Variants in XKR5 observed in about 807,000 individuals in gnomAD.
XKR5 encodes XK related 5.
XKR5 carries 46 observed loss-of-function variants against 40.8 expected under a neutral mutation model. That is an observed-to-expected ratio of 1.13 (90% CI 0.89 to 1.44). The LOEUF (loss-of-function observed/expected upper bound fraction) is 1.44, where lower values mean the gene tolerates loss of function less well. Ranked by LOEUF, XKR5 falls within the 40% of genes most tolerant of loss-of-function variation. The pLI is 0.00. For synonymous variants in XKR5, 466 were observed against 356.1 expected (o/e 1.31, Z -3.48); for missense variants, 1,169 against 844.7 (o/e 1.38, Z -4.76).
chr8:6,830,770 A>G (rs1804731394), intron 2 of XKR5, among the ~76,000 whole-genome samples: 1 of 152,200 alleles, frequency 6.6e-6, no homozygotes. Context: ...TGATTTCACT[A>G]GTATATACCA....
chr8:6,808,957 G>A lies in XKR5; in HGVS notation c.*2241C>T, dbSNP rs1587142321. 6.6e-6 allele frequency: 1 copy of A among 152,198 alleles called. No homozygotes were observed. The highest frequency in any genetic ancestry group is 2.4e-5 in the African/African-American group (1 of 41,428). The allele number at this position is 152,198 out of a possible 1,614,324, so 9.4% of individuals were successfully genotyped here. On this transcript the variant is annotated 3_prime_UTR_variant, in exon 7 of 7. Coordinates refer to ENST00000618742, the MANE Select transcript of XKR5 (RefSeq NM_207411.5). The stretch of plus-strand genomic sequence containing the variant: ...GCCTACTTTTGCTGGACACTCTGCT[G>A]GACCTTGGAGTTAGCCCAGAAGGAG...
rs541237320 is a variant in XKR5, at chr8:6,814,104, C to T, written c.919+1703G>A. ...AAATATGCCAGGAACACCCAGACCA[C>T]GATGCAATGTGGTGAGAGTGGTGCT... On this transcript the variant is annotated intron_variant, in intron 6 of 6. Transcript: ENST00000618742. Among the ~76,000 whole-genome samples the T allele has an allele frequency of 5.9e-5, 9 of 152,298 alleles. No individual in the cohort carries two copies. In the South Asian group the frequency reaches 1.5e-3, roughly 25 times the overall value.
intron 5 of XKR5, among the ~76,000 whole-genome samples, chr8:6,817,689 G>A (rs983572945): frequency 1.3e-5 from 2 of 152,160 alleles, no homozygotes; most frequent in Non-Finnish European, 1.5e-5. Flanking sequence ...CTTCCTTTCC[G>A]AGCAGTTCCT....
intron 6 of XKR5, 36 bp from the exon 7 acceptor site, chr8:6,812,375 T>C: frequency 6.7e-7 from 1 of 1,498,284 alleles, no homozygotes; most frequent in Non-Finnish European, 8.9e-7. Flanking sequence ...GGTTATGTTC[T>C]TTGAAGTCTG....
At chr8:6,815,075 A>G (rs765498501) in intron 6 of XKR5, among the ~76,000 whole-genome samples, 2 of 152,242 alleles carry the variant, frequency 1.3e-5, no homozygotes, top group Non-Finnish European at 2.9e-5. Context: ...ACGAGGCCCC[A>G]CGTGAGAGGT....
chr8:6,813,985 C>A (rs868260829), intron 6 of XKR5, among the ~76,000 whole-genome samples: 23 of 152,194 alleles, frequency 1.5e-4, no homozygotes, highest in Admixed American at 1.2e-3. Context: ...CTCCCGTGAA[C>A]TGGAAAATCC....
At chr8:6,825,459 A>T in intron 2 of XKR5, 110 bp from the exon 3 acceptor site, 1 of 1,082,928 alleles carries the variant, frequency 9.2e-7, no homozygotes, top group East Asian at 3.0e-5. Flanking sequence ...CTATGCCCTT[A>T]CTAGTCACCT....
intron 1 of XKR5, among the ~76,000 whole-genome samples, 199 bp downstream of exon 1, chr8:6,835,237 G>T (rs925773887): frequency 1.1e-4 from 17 of 152,158 alleles, no homozygotes; most frequent in African/African-American, 4.1e-4. Flanking sequence ...TGGGGGGATG[G>T]TGCATGCGTG....
At chr8:6,818,822 C>A (rs1804086504) in intron 5 of XKR5, among the ~76,000 whole-genome samples, 1 of 152,218 alleles carries the variant, frequency 6.6e-6, no homozygotes, top group South Asian at 2.1e-4. Flanking sequence ...CCAGACCGTT[C>A]CAGCAGAAAC....
chr8:6,835,173 C>G (rs1421278095), intron 1 of XKR5, among the ~76,000 whole-genome samples: 1 of 135,908 alleles, frequency 7.4e-6, no homozygotes, highest in Non-Finnish European at 1.6e-5. Flanking sequence ...GGAAGTCAAG[C>G]ACCAGTCGGG....
chr8:6,822,528 C>G (rs973695144), intron 4 of XKR5, among the ~76,000 whole-genome samples: 5 of 152,250 alleles, frequency 3.3e-5, no homozygotes, highest in Admixed American at 3.3e-4. Context: ...AACAAAATAG[C>G]TAATCTCTCT....
At chr8:6,834,967 G>A (rs1804944942) in intron 1 of XKR5, among the ~76,000 whole-genome samples, 1 of 152,186 alleles carries the variant, frequency 6.6e-6, no homozygotes. Context: ...TTCTGCGAGC[G>A]GCCTCCAAGT....
chr8:6,815,185 G>C (rs1372479607), intron 6 of XKR5, among the ~76,000 whole-genome samples: 3 of 152,200 alleles, frequency 2.0e-5, no homozygotes, highest in Non-Finnish European at 4.4e-5. Flanking sequence ...CCTTTCAAGT[G>C]GGGGGCGGAA....
chr8:6,824,096 T>C (rs2117102467), intron 3 of XKR5, among the ~76,000 whole-genome samples: 1 of 152,378 alleles, frequency 6.6e-6, no homozygotes, highest in East Asian at 1.9e-4. Context: ...TACAAGGCTC[T>C]GAACATGGTT....
chr8:6,827,863 T>C (rs1159427185), intron 2 of XKR5, among the ~76,000 whole-genome samples: 3 of 152,068 alleles, frequency 2.0e-5, no homozygotes. Flanking sequence ...CTTGGGAGTT[T>C]GAGACCAGCC....
chr8:6,827,950 C>T (rs745617370), intron 2 of XKR5, among the ~76,000 whole-genome samples: 1 of 152,100 alleles, frequency 6.6e-6, no homozygotes, highest in Non-Finnish European at 1.5e-5. Context: ...TGCCTGTAGT[C>T]CCAGCTACTC....
At chr8:6,823,412 C>G (rs1804325928) in intron 4 of XKR5, 109 bp downstream of exon 4, 2 of 1,192,650 alleles carry the variant, frequency 1.7e-6, no homozygotes, top group Non-Finnish European at 2.4e-6. Flanking sequence ...AGAGCCCAGT[C>G]AGCCTTCAGG....
intron 5 of XKR5, 54 bp downstream of exon 5, chr8:6,821,815 A>T (rs1457148525): frequency 1.3e-6 from 2 of 1,539,606 alleles, no homozygotes; most frequent in Non-Finnish European, 1.8e-6. Flanking sequence ...ACCCACACAC[A>T]CCCCACTTGC....
chr8:6,821,757 AATAG>A, intron 5 of XKR5, 108 bp downstream of exon 5: 1 of 894,270 alleles, frequency 1.1e-6, no homozygotes, highest in East Asian at 3.0e-5. Flanking sequence ...ATTCCTTTTC[AATAG>A]ATAGGTGTGC....
Sources: allele counts gnomAD v4.1 joint callset (sites outside exome capture counted in the v4.1 genomes callset), GRCh38; gene constraint gnomAD v4.1.1; transcripts MANE v1.5; gene names NCBI Gene and HGNC (gene_info 2026-07-23, HGNC 2026-07-21).